Variants in GNAO1 observed in about 807,000 individuals in gnomAD.
GNAO1 encodes G protein subunit alpha o1.
For missense variants in GNAO1, 166 were observed against 478.7 expected (o/e 0.35, Z 6.10); for synonymous variants, 164 against 180.7 (o/e 0.91, Z 0.74).
intron 2 of GNAO1, among the ~76,000 whole-genome samples, chr16:56,200,654 C>G (rs897907228): frequency 1.6e-4 from 25 of 152,272 alleles, no homozygotes; most frequent in Middle Eastern, 3.4e-3. Context: ...ACTAGACCAC[C>G]CCCAGTATGG....
intron 2 of GNAO1, among the ~76,000 whole-genome samples, chr16:56,238,292 T>C (rs565510110): frequency 1.3e-5 from 2 of 152,240 alleles, no homozygotes; most frequent in South Asian, 2.1e-4. Flanking sequence ...CTACTCCTCT[T>C]CTCTCTTAAT....
chr16:56,291,004 C>T (rs1385210065), intron 3 of GNAO1, among the ~76,000 whole-genome samples: 1 of 152,176 alleles, frequency 6.6e-6, no homozygotes, highest in Non-Finnish European at 1.5e-5. Context: ...AAATTTCATT[C>T]ATCTATTCAT....
chr16:56,247,409 C>A (rs1281516776), intron 2 of GNAO1, among the ~76,000 whole-genome samples: 3 of 152,124 alleles, frequency 2.0e-5, no homozygotes, highest in Non-Finnish European at 4.4e-5. Flanking sequence ...TCTCTGAGCC[C>A]CTTTAAAACA....
intron 2 of GNAO1, among the ~76,000 whole-genome samples, chr16:56,256,875 T>C (rs1166022979): frequency 6.6e-6 from 1 of 152,106 alleles, no homozygotes; most frequent in Admixed American, 6.5e-5. Context: ...TCCAGAATCA[T>C]ATACTCCAGA....
At position 56,347,328 on chromosome 16, in the gene GNAO1, C is replaced by T. The variant is rs929479222; in HGVS notation, c.724-4056C>T. ...GTGTGCAGTGCCGAAGGCAGTCACC[C>T]CCAGGCAGTTCCTGCTGTCAGGCCG... On this transcript the variant is annotated intron_variant, in intron 6 of 8. Coordinates refer to ENST00000262493, the MANE Select transcript of GNAO1 (RefSeq NM_020988.3). 42 of 985,390 alleles carry T rather than the reference C, an allele frequency of 4.3e-5. No homozygotes were observed. In the African/African-American group the frequency reaches 5.1e-4, roughly 12 times the overall value. 61.0% of individuals were successfully genotyped at this position (985,390 alleles called of 1,614,324 possible).
chr16:56,344,648 G>C lies in GNAO1; in HGVS notation c.724-6736G>C, dbSNP rs2587892. 2.9e-4 allele frequency: 281 copies of C among 985,594 alleles called. No homozygotes were observed. The African/African-American group carries it at 4.5e-3, about 16-fold the overall frequency. 61.1% of individuals were successfully genotyped at this position (985,594 alleles called of 1,614,324 possible). ...TCAGATAGATGGTGGCGTGGAGCGG[G>C]GGGAGGGAGAGATGGGAGGTGCGGG... On this transcript the variant is annotated intron_variant, in intron 6 of 8. Transcript: ENST00000262493.
At chr16:56,328,958 T>A in intron 4 of GNAO1, 167 bp downstream of exon 4, 1 of 642,694 alleles carries the variant, frequency 1.6e-6, no homozygotes, top group Non-Finnish European at 2.7e-6. Context: ...AGAAGGGGCC[T>A]CTCTTCCTGC....
At chr16:56,225,870 C>A (rs559342851) in intron 2 of GNAO1, among the ~76,000 whole-genome samples, 2 of 152,022 alleles carry the variant, frequency 1.3e-5, no homozygotes, top group Admixed American at 1.3e-4. Flanking sequence ...TTGAGGAGCT[C>A]CTTTAGCTAA....
intron 2 of GNAO1, among the ~76,000 whole-genome samples, chr16:56,205,525 C>T (rs934877046): frequency 1.3e-5 from 2 of 152,152 alleles, no homozygotes; most frequent in African/African-American, 4.8e-5. Context: ...TGTGGAGAGC[C>T]TAGTTCTGAG....
At chr16:56,248,178 G>A (rs1268814366) in intron 2 of GNAO1, among the ~76,000 whole-genome samples, 1 of 152,146 alleles carries the variant, frequency 6.6e-6, no homozygotes, top group Non-Finnish European at 1.5e-5. Flanking sequence ...CCTTTTAATT[G>A]TGCTGTCTTA....
At chr16:56,329,786 G>A (rs1358491475) in intron 4 of GNAO1, among the ~76,000 whole-genome samples, 1 of 152,130 alleles carries the variant, frequency 6.6e-6, no homozygotes, top group African/African-American at 2.4e-5. Flanking sequence ...CTCAGCTGGG[G>A]CCTTTTTGCC....
intron 2 of GNAO1, among the ~76,000 whole-genome samples, chr16:56,239,869 T>A (rs2036676846): frequency 6.6e-6 from 1 of 152,196 alleles, no homozygotes; most frequent in Admixed American, 6.5e-5. Context: ...CTCTTAGGCC[T>A]GGTTGCTGGG....
chr16:56,250,889 T>C (rs2036793248), intron 2 of GNAO1, among the ~76,000 whole-genome samples: 1 of 152,238 alleles, frequency 6.6e-6, no homozygotes, highest in African/African-American at 2.4e-5. Flanking sequence ...ATTGTGGTTT[T>C]GGGGAATGGA....
chr16:56,343,098 CA>C (rs1208669947), intron 6 of GNAO1, among the ~76,000 whole-genome samples: 86 of 133,158 alleles, frequency 6.5e-4, no homozygotes, highest in Non-Finnish European at 8.8e-4. Context: ...ACTCCATCTC[CA>C]AAAAAAAAAA....
intron 2 of GNAO1, among the ~76,000 whole-genome samples, chr16:56,220,840 C>T (rs1285866563): frequency 4.6e-5 from 7 of 152,054 alleles, no homozygotes; most frequent in East Asian, 1.9e-4. Flanking sequence ...CTCTGCTGCC[C>T]GGGTTCAAGC....
chr16:56,339,121 C>T (rs771735189), intron 6 of GNAO1, among the ~76,000 whole-genome samples: 4 of 152,238 alleles, frequency 2.6e-5, no homozygotes, highest in African/African-American at 4.8e-5. Flanking sequence ...AGCTCATTGC[C>T]GTGGTGGCAG....
intron 2 of GNAO1, chr16:56,194,474 G>A: frequency 2.9e-6 from 1 of 340,572 alleles, no homozygotes; most frequent in South Asian, 2.3e-5. Flanking sequence ...GGTTTCAGGC[G>A]TTGCAAGTGG....
chr16:56,303,684 T>A (rs2037365804), intron 3 of GNAO1, among the ~76,000 whole-genome samples: 1 of 152,130 alleles, frequency 6.6e-6, no homozygotes, highest in African/African-American at 2.4e-5. Context: ...GATGATCACA[T>A]CTAAAGGGTG....
At chr16:56,317,640 G>C (rs1393360067) in intron 3 of GNAO1, among the ~76,000 whole-genome samples, 1 of 152,138 alleles carries the variant, frequency 6.6e-6, no homozygotes. Flanking sequence ...CTGATGGGTA[G>C]ATGATGTATA....
Sources: allele counts gnomAD v4.1 joint callset (sites outside exome capture counted in the v4.1 genomes callset), GRCh38; gene constraint gnomAD v4.1.1; transcripts MANE v1.5; gene names NCBI Gene and HGNC (gene_info 2026-07-23, HGNC 2026-07-21).